RAB44: variants seen among roughly 807,000 people sequenced by gnomAD.
RAB44 encodes ras-related protein Rab-44.
In RAB44, 67 loss-of-function variants were observed where a neutral mutation model predicts 93.3. The observed-to-expected ratio is 0.72, with a 90% CI of 0.59 to 0.88. The LOEUF is 0.88. Ranked by LOEUF, RAB44 falls within the 40% of genes least tolerant of loss-of-function variation. The probability of loss-of-function intolerance (pLI) is 0.00; values close to 1 mark genes in which losing one functional copy is unlikely to be tolerated. For synonymous variants in RAB44, 427 were observed against 520.3 expected (o/e 0.82, Z 2.44); for missense variants, 1,064 against 1,261.7 (o/e 0.84, Z 2.37).
chr6:36,704,427 C>T lies in RAB44; in HGVS notation c.192C>T (p.Thr64=). 6.5e-7 allele frequency: 1 copy of T among 1,535,600 alleles called. No individual in the cohort carries two copies. Residue 64 remains threonine, a synonymous_variant, in exon 2 of 14, where the codon ACC becomes ACT. Transcript: ENST00000612677. The part of the protein sequence containing the change: ...DCGAKERGFV[T]REDLAVAKFS... The stretch of plus-strand genomic sequence containing the variant: ...GTGCCAAGGAGAGGGGCTTTGTCAC[C>T]CGCGAGGACCTGGCGGTGAGCCCAA...
rs371675980 is a variant in RAB44 at position 36,705,492 on chromosome 6, C to T, written c.207+1050C>T. 1.1e-4 allele frequency among the ~76,000 whole-genome samples: 16 copies of T among 147,344 alleles called. No homozygotes were observed. The East Asian group carries it at 2.8e-3, about 26-fold the overall frequency. On this transcript the variant is annotated intron_variant, in intron 2 of 13. Coordinates refer to ENST00000612677, the MANE Select transcript of RAB44 (RefSeq NM_001257357.2). ...CTGCCTCCCAGGTTCAAGCGATTCT[C>T]CTGCTTCAGCCTCCCAAGTAGCTGG...
chr6:36,719,406 C>A (rs1040943137), intron 7 of RAB44, among the ~76,000 whole-genome samples: 2 of 152,148 alleles, frequency 1.3e-5, no homozygotes, highest in Non-Finnish European at 2.9e-5. Context: ...TCGTCCTGTC[C>A]CCTGTGGATG....
chr6:36,707,459 A>T (rs1762677419), intron 2 of RAB44, among the ~76,000 whole-genome samples: 1 of 152,216 alleles, frequency 6.6e-6, no homozygotes. Flanking sequence ...TAGAACAATA[A>T]AAAATAATAT....
At chr6:36,697,987 C>T (rs559738526) in intron 1 of RAB44, 72 bp downstream of exon 1, 1 of 152,378 alleles carries the variant, frequency 6.6e-6, no homozygotes, top group East Asian at 1.9e-4. Flanking sequence ...GAGCTGGGGT[C>T]CCTGTTTAAC....
At position 36,721,818 on chromosome 6, in the gene RAB44, C is replaced by A; in HGVS notation, c.1684C>A (p.Arg562=). The change falls in exon 9 of 14, where the codon CGG becomes AGG. Residue 562 remains arginine, a synonymous_variant. Coordinates refer to ENST00000612677, the MANE Select transcript of RAB44 (RefSeq NM_001257357.2). The stretch of plus-strand genomic sequence containing the variant: ...ACAAACCCCTCCCACCATGACTGAG[C>A]GGGAAACCCAGCCCGGACCCTCACC... ...PTQTPPTMTE[R]ETQPGPSPTT... 2 of 1,234,550 alleles carry A rather than the reference C, an allele frequency of 1.6e-6. No homozygotes were observed. The highest frequency in any genetic ancestry group is 2.0e-6 in the Non-Finnish European group (2 of 988,434). 76.5% of individuals were successfully genotyped at this position (1,234,550 alleles called of 1,614,324 possible).
Position 36,727,570 on chromosome 6 carries a change from T to C in RAB44, c.2682-7T>C, listed in dbSNP as rs374104953. ...CTGGTGTGGCCTCATGCAGACTCTC[T>C]GGGCAGGTACCACAGTATGACGCGA... On this transcript the variant is annotated splice_polypyrimidine_tract_variant and splice_region_variant and intron_variant, in intron 10 of 13. Coordinates refer to ENST00000612677, the MANE Select transcript of RAB44 (RefSeq NM_001257357.2). 1.7e-5 allele frequency: 27 copies of C among 1,548,622 alleles called. No homozygotes were observed. The African/African-American group carries it at 1.8e-4, about 10-fold the overall frequency.
intron 11 of RAB44, 97 bp from the exon 12 acceptor site, chr6:36,728,603 G>A: frequency 1.1e-6 from 1 of 914,742 alleles, no homozygotes; most frequent in Non-Finnish European, 1.7e-6. Context: ...CTGGGAGGGG[G>A]AACATGCGGG....
intron 3 of RAB44, among the ~76,000 whole-genome samples, chr6:36,714,455 C>T (rs1339514634): frequency 6.6e-6 from 1 of 152,312 alleles, no homozygotes; most frequent in East Asian, 1.9e-4. Context: ...GTGTGGTGTC[C>T]TCACAGAGCC....
chr6:36,720,913 A>G (rs1179989676), intron 8 of RAB44, among the ~76,000 whole-genome samples: 1 of 152,158 alleles, frequency 6.6e-6, no homozygotes, highest in Non-Finnish European at 1.5e-5. Context: ...GATGGGCCAG[A>G]ATGATCAAGG....
At chr6:36,730,360 TAACA>T (rs1394368012) in intron 12 of RAB44, among the ~76,000 whole-genome samples, 3 of 152,220 alleles carry the variant, frequency 2.0e-5, no homozygotes, top group Non-Finnish European at 4.4e-5. Context: ...AAAACATAAC[TAACA>T]TTTATAAAAT....
intron 3 of RAB44, among the ~76,000 whole-genome samples, chr6:36,715,263 C>G (rs1393679308): frequency 6.6e-6 from 1 of 152,164 alleles, no homozygotes; most frequent in Non-Finnish European, 1.5e-5. Flanking sequence ...TCCAGCAAGT[C>G]TTTTGGCGTC....
In RAB44 at chr6:36,732,137, C is replaced by T. The variant is rs1763377466; in HGVS notation, c.*44C>T. 2 of 1,178,362 alleles carry T rather than the reference C, an allele frequency of 1.7e-6. No individual in the cohort carries two copies. Among genetic ancestry groups the T allele is most frequent in the Non-Finnish European group, 2.1e-6 (2 of 937,384 alleles). The allele number at this position is 1,178,362 out of a possible 1,614,324, so 73.0% of individuals were successfully genotyped here. On this transcript the variant is annotated 3_prime_UTR_variant, in exon 14 of 14. Transcript: ENST00000612677. ...GTAGGATGGACACCCATGGGGTTTC[C>T]TGTCCCTCAGCTCCTGTCCTTTGTT...
intron 2 of RAB44, among the ~76,000 whole-genome samples, chr6:36,709,140 C>T (rs370933653): frequency 2.6e-5 from 4 of 151,718 alleles, no homozygotes; most frequent in East Asian, 1.9e-4. Context: ...TTAGTAGAGA[C>T]GGGTTTCACT....
chr6:36,713,988 T>C, intron 3 of RAB44, 49 bp downstream of exon 3: 1 of 1,199,724 alleles, frequency 8.3e-7, no homozygotes, highest in Non-Finnish European at 1.2e-6. Context: ...TTCCGTGCAG[T>C]GTGCCCTGCA....
chr6:36,699,129 C>T (rs1047276449), intron 1 of RAB44, among the ~76,000 whole-genome samples: 1 of 152,114 alleles, frequency 6.6e-6, no homozygotes, highest in Admixed American at 6.5e-5. Flanking sequence ...ACCTGTCAGG[C>T]AAGGAGCGGG....
At chr6:36,713,175 G>A (rs1762829081) in intron 2 of RAB44, among the ~76,000 whole-genome samples, 2 of 152,154 alleles carry the variant, frequency 1.3e-5, no homozygotes, top group Non-Finnish European at 2.9e-5. Flanking sequence ...ACTCTTATAG[G>A]AGATTTAACT....
intron 10 of RAB44, among the ~76,000 whole-genome samples, chr6:36,726,301 A>C (rs762679077): frequency 2.0e-5 from 3 of 152,160 alleles, no homozygotes; most frequent in Admixed American, 6.5e-5. Flanking sequence ...GCTGGAGTAC[A>C]GTGGCGTGAT....
Position 36,731,824 on chromosome 6 carries a change from A to G in RAB44, c.2976-179A>G, listed in dbSNP as rs9380592. On this transcript the variant is annotated intron_variant, in intron 13 of 13. Coordinates refer to ENST00000612677, the MANE Select transcript of RAB44 (RefSeq NM_001257357.2). The surrounding 1 kb of genome is among the most constrained non-coding windows in gnomAD (Gnocchi z 4.0). ...GTGCCTGGCACATAGTAGGCCAGAA[A>G]GAGAAGGTCAAAGTCTCAGTGACTC... 0.095 allele frequency among the ~76,000 whole-genome samples: 14,404 copies of G among 152,288 alleles called. 861 individuals are homozygous for G. The highest frequency in any genetic ancestry group is 0.2 in the South Asian group (986 of 4,818).
intron 11 of RAB44, among the ~76,000 whole-genome samples, chr6:36,728,301 G>A (rs1342901416): frequency 6.6e-6 from 1 of 152,214 alleles, no homozygotes; most frequent in Admixed American, 6.5e-5. Flanking sequence ...TCATAGGGGA[G>A]TTGTGACAAT....
Sources: gnomAD v4.1 joint callset for allele counts (sites outside exome capture counted in the v4.1 genomes callset) on GRCh38, gnomAD v4.1.1 for gene constraint, Gnocchi (gnomAD v3.1) non-coding constraint, MANE v1.5 for transcripts, NCBI Gene and HGNC (gene_info 2026-07-23, HGNC 2026-07-21) for gene names.